PPP1CB: variants seen among roughly 807,000 people sequenced by gnomAD.
PPP1CB encodes the protein serine/threonine-protein phosphatase PP1-beta catalytic subunit.
In PPP1CB, 2 loss-of-function variants were observed where a neutral mutation model predicts 43.7. That is an observed-to-expected ratio of 0.05 (90% confidence interval 0.02 to 0.14). The LOEUF is 0.14. PPP1CB is among the 10% of genes least tolerant of loss of function. The pLI is 1.00. For synonymous variants in PPP1CB, 136 were observed against 135.6 expected (o/e 1.00, Z -0.02); for missense variants, 84 against 398.0 (o/e 0.21, Z 6.71).
At position 28,800,227 on chromosome 2, in the gene PPP1CB, T is replaced by TTTTTTTTTTTTTTTTTTTTTTTCTTTG. The variant is rs1667584240; in HGVS notation, c.*946_*947insCTTTGTTTTTTTTTTTTTTTTTTTTTT. 1 of 3,464 alleles carries TTTTTTTTTTTTTTTTTTTTTTTCTTTG rather than the reference T, an allele frequency of 2.9e-4. No individual in the cohort carries two copies. Among genetic ancestry groups the TTTTTTTTTTTTTTTTTTTTTTTCTTTG allele is most frequent in the African/African-American group, 7.2e-4 (1 of 1,388 alleles). 0.2% of individuals were successfully genotyped at this position (3,464 alleles called of 1,614,324 possible). ...TGGTTTTCTTTTTCTTTTTTCTTTC[T>TTTTTTTTTTTTTTTTTTTTTTTCTTTG]TTTTTTTTTTTTTTTTTTTTTTGAG... On this transcript the variant is annotated 3_prime_UTR_variant, in exon 8 of 8. Transcript: ENST00000395366.
chr2:28,764,097 A>G (rs1241752796), intron 1 of PPP1CB, among the ~76,000 whole-genome samples: 1 of 152,038 alleles, frequency 6.6e-6, no homozygotes, highest in Non-Finnish European at 1.5e-5. Flanking sequence ...TGTTGTGTGC[A>G]TAGAGAAAGA....
chr2:28,797,048 T>G (rs905299970), intron 7 of PPP1CB, among the ~76,000 whole-genome samples: 6 of 152,156 alleles, frequency 3.9e-5, no homozygotes, highest in South Asian at 2.1e-4. Flanking sequence ...ATATGGTGTT[T>G]GTTTTTAATT....
In PPP1CB at chr2:28,752,091, C is replaced by T; in HGVS notation, c.-34C>T. 2 of 1,549,058 alleles carry T rather than the reference C, an allele frequency of 1.3e-6. No homozygotes were observed. Among genetic ancestry groups the T allele is most frequent in the Non-Finnish European group, 1.7e-6 (2 of 1,145,238 alleles). On this transcript the variant is annotated 5_prime_UTR_variant, in exon 1 of 8. Coordinates refer to ENST00000395366, the MANE Select transcript of PPP1CB (RefSeq NM_002709.3). ...CCTCCGCCGCCGAGAAGCCCTTGTT[C>T]CCGCTGCTGGGAAGGAGAGTCTGTG...
At chr2:28,766,221 A>T (rs925732306) in intron 1 of PPP1CB, among the ~76,000 whole-genome samples, 1 of 152,220 alleles carries the variant, frequency 6.6e-6, no homozygotes, top group Admixed American at 6.5e-5. Flanking sequence ...CAAATAAATT[A>T]CAATAAAGCT....
chr2:28,774,513 C>T (rs1251804172), intron 1 of PPP1CB, among the ~76,000 whole-genome samples: 3 of 152,154 alleles, frequency 2.0e-5, no homozygotes, highest in Non-Finnish European at 2.9e-5. Context: ...GCAACCTCCA[C>T]CTCCTGGGTT....
chr2:28,757,302 C>T (rs893440483), intron 1 of PPP1CB, among the ~76,000 whole-genome samples: 2 of 152,014 alleles, frequency 1.3e-5, no homozygotes, highest in Non-Finnish European at 2.9e-5. Flanking sequence ...TGTTTTCTTT[C>T]GGCTATTGTG....
chr2:28,755,044 T>A (rs1456447877), intron 1 of PPP1CB, among the ~76,000 whole-genome samples: 1 of 152,092 alleles, frequency 6.6e-6, no homozygotes, highest in Non-Finnish European at 1.5e-5. Flanking sequence ...ATTGATAAGT[T>A]TTTTTTGTTT....
intron 1 of PPP1CB, among the ~76,000 whole-genome samples, chr2:28,769,892 G>A (rs992697202): frequency 6.6e-6 from 1 of 152,132 alleles, no homozygotes; most frequent in African/African-American, 2.4e-5. Context: ...AGAGAGGAAT[G>A]AAGAACAGAT....
At chr2:28,791,338 GT>G (rs900536504) in intron 6 of PPP1CB, among the ~76,000 whole-genome samples, 1 of 151,194 alleles carries the variant, frequency 6.6e-6, no homozygotes, top group Non-Finnish European at 1.5e-5. Context: ...GTTGTTGTTT[GT>G]TTTTTTTGTG....
chr2:28,765,459 C>T (rs1431990105), intron 1 of PPP1CB, among the ~76,000 whole-genome samples: 1 of 152,192 alleles, frequency 6.6e-6, no homozygotes, highest in African/African-American at 2.4e-5. Flanking sequence ...GGTGGAAGCT[C>T]CTCGGCTGCA....
In PPP1CB at chr2:28,780,122, C is replaced by T. The variant is rs1191644166; in HGVS notation, c.415+1083C>T. 1.2e-4 allele frequency among the ~76,000 whole-genome samples: 16 copies of T among 130,690 alleles called. No individual in the cohort carries two copies. The South Asian group carries it at 3.7e-3, about 30-fold the overall frequency. 85.7% of individuals were successfully genotyped at this position (130,690 alleles called of 152,430 possible). A position where few individuals can be genotyped will look rare whatever the true frequency, so the allele number is the denominator to read the frequency against. ...TTTTTTTTTGAGACGGAGTCTCGCTCTTCTTGCCCAGGCTGGAGTGCAATG... is the reference window on the plus strand; with the variant it reads ...TTTTTTTTTGAGACGGAGTCTCGCTTTTCTTGCCCAGGCTGGAGTGCAATG... On this transcript the variant is annotated intron_variant, in intron 3 of 7. Coordinates refer to ENST00000395366, the MANE Select transcript of PPP1CB (RefSeq NM_002709.3).
At chr2:28,770,066 C>G (rs1043455845) in intron 1 of PPP1CB, among the ~76,000 whole-genome samples, 1 of 152,010 alleles carries the variant, frequency 6.6e-6, no homozygotes, top group African/African-American at 2.4e-5. Context: ...GTCAGGAGTT[C>G]AAGACCAGCC....
chr2:28,751,763 G>A (rs1389687137), upstream of PPP1CB: 1 of 326,036 alleles, frequency 3.1e-6, no homozygotes, highest in Non-Finnish European at 5.8e-6. Flanking sequence ...GTGACGCGGC[G>A]GCGCGCAAGG....
At chr2:28,759,299 T>G (rs1236184002) in intron 1 of PPP1CB, among the ~76,000 whole-genome samples, 1 of 152,126 alleles carries the variant, frequency 6.6e-6, no homozygotes, top group Non-Finnish European at 1.5e-5. Context: ...GTGGACCACT[T>G]GAGGTCAGGA....
intron 7 of PPP1CB, 52 bp from the exon 8 acceptor site, chr2:28,799,147 T>C: frequency 7.9e-7 from 1 of 1,263,512 alleles, no homozygotes; most frequent in Non-Finnish European, 1.1e-6. Context: ...AACAATTTTC[T>C]TAACTTCTGT....
chr2:28,758,586 A>G (rs115295641), intron 1 of PPP1CB, among the ~76,000 whole-genome samples: 3,373 of 152,304 alleles, frequency 0.022, 64 homozygotes, highest in Non-Finnish European at 0.034. Flanking sequence ...ATTCAAGTAT[A>G]AATAACCAGT....
At chr2:28,778,759 T>C (rs1667089893) in intron 2 of PPP1CB, 50 bp from the exon 3 acceptor site, 2 of 1,164,430 alleles carry the variant, frequency 1.7e-6, no homozygotes, top group African/African-American at 3.1e-5. Flanking sequence ...TCATAGAAGC[T>C]GCTTATAACA....
At chr2:28,773,768 C>T (rs1249441196) in intron 1 of PPP1CB, among the ~76,000 whole-genome samples, 1 of 152,168 alleles carries the variant, frequency 6.6e-6, no homozygotes, top group African/African-American at 2.4e-5. Context: ...TCTGTCCAAC[C>T]TTTGGCTAAT....
intron 3 of PPP1CB, among the ~76,000 whole-genome samples, chr2:28,780,229 C>T (rs752909878): frequency 3.3e-5 from 5 of 151,936 alleles, no homozygotes; most frequent in Non-Finnish European, 5.9e-5. Flanking sequence ...GCTGGGATTA[C>T]AGGCATGTAC....
Sources: gnomAD v4.1 joint callset for allele counts (sites outside exome capture counted in the v4.1 genomes callset) on GRCh38, gnomAD v4.1.1 for gene constraint, MANE v1.5 for transcripts, NCBI Gene and HGNC (gene_info 2026-07-23, HGNC 2026-07-21) for gene names.